TMEM126A: variants seen among roughly 807,000 people sequenced by gnomAD.
TMEM126A encodes transmembrane protein 126A.
A neutral mutation model predicts 18.3 loss-of-function variants in TMEM126A; 10 were observed. The observed-to-expected ratio is 0.55, with a 90% CI of 0.34 to 0.93. The LOEUF (loss-of-function observed/expected upper bound fraction) is 0.93. TMEM126A is among the 40% of genes least tolerant of loss of function. The pLI is 0.02. For synonymous variants in TMEM126A, 68 were observed against 78.1 expected (o/e 0.87, Z 0.68); for missense variants, 246 against 230.2 (o/e 1.07, Z -0.44).
chr11:85,650,118 G>A, intron 1 of TMEM126A, 131 bp from the exon 2 acceptor site: 1 of 587,546 alleles, frequency 1.7e-6, no homozygotes, highest in Non-Finnish European at 3.0e-6. Context: ...GTTTCACTTA[G>A]ATTTTTTTTT....
At position 85,656,436 on chromosome 11, in the gene TMEM126A, T is replaced by A; in HGVS notation, c.523T>A (p.Ser175Thr). Residue 175 changes from serine to threonine, a missense_variant, in exon 5 of 5, where the codon TCT (serine) becomes ACT (threonine). Ser to Thr is a moderately conservative substitution (Grantham distance 58). Transcript: ENST00000304511. ...GACTATGTTTTCAGCATACCTTGGG[T>A]CTGAACAATATAAACTACTTATAAA... ...LQTMFSAYLG[S>T]EQYKLLIKAL... 1.2e-6 allele frequency: 2 copies of A among 1,613,336 alleles called. No homozygotes were observed. Among genetic ancestry groups the A allele is most frequent in the Non-Finnish European group, 1.7e-6 (2 of 1,179,622 alleles).
At chr11:85,648,362 G>C (rs1398406323) in intron 1 of TMEM126A, among the ~76,000 whole-genome samples, 2 of 152,202 alleles carry the variant, frequency 1.3e-5, no homozygotes, top group Non-Finnish European at 2.9e-5. Context: ...GATTTTCAGA[G>C]GTCCCACTTT....
In TMEM126A at chr11:85,654,169, A is replaced by G. The variant is rs1448355363; in HGVS notation, c.193A>G (p.Ile65Val). ...RRILNVTKAR[I>V]AAGLPMAGIP... ...CATCTTGAATGTGACAAAGGCTCGC[A>G]TAGCTGCTGGCTTACCAATGGCAGG... The change falls in exon 3 of 5, where the codon ATA becomes GTA. Residue 65 changes from isoleucine to valine, a missense_variant. Coordinates refer to ENST00000304511, the MANE Select transcript of TMEM126A (RefSeq NM_032273.4). 8 of 1,614,114 alleles carry G rather than the reference A, an allele frequency of 5.0e-6. No individual in the cohort carries two copies. In the South Asian group the frequency reaches 5.5e-5, roughly 11 times the overall value.
intron 2 of TMEM126A, among the ~76,000 whole-genome samples, chr11:85,652,854 T>TG (rs1270215226): frequency 6.6e-6 from 1 of 151,760 alleles, no homozygotes; most frequent in Non-Finnish European, 1.5e-5. Flanking sequence ...ACCTGAGCAT[T>TG]GGGATTTAAA....
intron 2 of TMEM126A, among the ~76,000 whole-genome samples, chr11:85,651,912 C>T (rs2082503409): frequency 6.6e-6 from 1 of 152,154 alleles, no homozygotes; most frequent in South Asian, 2.1e-4. Context: ...ACCTGTAATC[C>T]CAGCACTTTG....
Position 85,655,621 on chromosome 11 carries a change from T to C in TMEM126A, c.308T>C (p.Ile103Thr). ...GATTTGGATTGTGAAACCTGTACCA[T>C]AACACGGAGTGGACTGACTGGTCTT... ...TGDLDCETCTITRSGLTGLVI... is the reference protein window; with the variant it reads ...TGDLDCETCTTTRSGLTGLVI... The change falls in exon 4 of 5, where the codon ATA (isoleucine) becomes ACA (threonine). Residue 103 changes from isoleucine to threonine, a missense_variant. Ile to Thr is a moderately conservative substitution (Grantham distance 89). Transcript: ENST00000304511. 6.2e-7 allele frequency: 1 copy of C among 1,613,706 alleles called. No homozygotes were observed. The highest frequency in any genetic ancestry group is 8.5e-7 in the Non-Finnish European group (1 of 1,179,672).
intron 2 of TMEM126A, among the ~76,000 whole-genome samples, chr11:85,651,069 CAA>C (rs3068382): frequency 6.3e-5 from 5 of 79,868 alleles, no homozygotes; most frequent in Admixed American, 1.7e-4. Context: ...GGATCCGTCT[CAA>C]AAAAAAAAAA....
At chr11:85,655,299 G>A (rs1266468522) in intron 3 of TMEM126A, 3 of 336,638 alleles carry the variant, frequency 8.9e-6, no homozygotes, top group Non-Finnish European at 1.7e-5. Flanking sequence ...TATTAGCCTA[G>A]GTCTGTTGAT....
At position 85,655,722 on chromosome 11, in the gene TMEM126A, A is replaced by C. The variant is rs1262645868; in HGVS notation, c.395+14A>C. The C allele has an allele frequency of 6.4e-7, 1 of 1,555,932 alleles. No homozygotes were observed. Among genetic ancestry groups the C allele is most frequent in the East Asian group, 2.2e-5 (1 of 44,510 alleles). On this transcript the variant is annotated intron_variant, in intron 4 of 4. Coordinates refer to ENST00000304511, the MANE Select transcript of TMEM126A (RefSeq NM_032273.4). ...TCTAGCAGCCAGGTAGGAAATAAAA[A>C]ACTTTTTATAATATGTGATTACCTA...
chr11:85,655,530 A>G (rs2082531465), intron 3 of TMEM126A, 64 bp from the exon 4 acceptor site: 1 of 1,192,754 alleles, frequency 8.4e-7, no homozygotes, highest in Non-Finnish European at 1.3e-6. Flanking sequence ...AGGATCTTAC[A>G]TTCTTTAAAT....
At chr11:85,653,399 T>C (rs914317532) in intron 2 of TMEM126A, among the ~76,000 whole-genome samples, 1 of 152,220 alleles carries the variant, frequency 6.6e-6, no homozygotes, top group Non-Finnish European at 1.5e-5. Flanking sequence ...TAGATGGCAA[T>C]GTAAGTGGTA....
intron 2 of TMEM126A, among the ~76,000 whole-genome samples, chr11:85,653,650 T>C (rs561364825): frequency 1.3e-5 from 2 of 152,354 alleles, no homozygotes; most frequent in East Asian, 3.9e-4. Context: ...CTCCCAATCC[T>C]GACACTAATG....
chr11:85,652,300 A>C (rs2082506570), intron 2 of TMEM126A, among the ~76,000 whole-genome samples: 1 of 152,260 alleles, frequency 6.6e-6, no homozygotes, highest in African/African-American at 2.4e-5. Flanking sequence ...ATTGGCATCT[A>C]AACTAGGCAG....
chr11:85,648,640 ATCAT>A (rs903346804), intron 1 of TMEM126A, among the ~76,000 whole-genome samples: 9 of 152,118 alleles, frequency 5.9e-5, no homozygotes, highest in Non-Finnish European at 2.9e-5. Context: ...CATACACAAA[ATCAT>A]TCAGAGCTCC....
chr11:85,653,956 T>C, intron 2 of TMEM126A, 107 bp from the exon 3 acceptor site: 1 of 1,304,026 alleles, frequency 7.7e-7, no homozygotes, highest in South Asian at 1.2e-5. Context: ...GGGATAGATG[T>C]CGTATCCAGT....
chr11:85,652,475 A>G (rs907392025), intron 2 of TMEM126A, among the ~76,000 whole-genome samples: 1 of 151,884 alleles, frequency 6.6e-6, no homozygotes, highest in Non-Finnish European at 1.5e-5. Flanking sequence ...CAAAAACTTC[A>G]TTTTCTGATC....
rs374124838 is a variant in TMEM126A at position 85,655,642 on chromosome 11, G to C, written c.329G>C (p.Gly110Ala). 3.0e-5 allele frequency: 49 copies of C among 1,613,566 alleles called. No individual in the cohort carries two copies. The highest frequency in any genetic ancestry group is 4.1e-5 in the Non-Finnish European group (48 of 1,179,736). Residue 110 changes from glycine (G) to alanine (A), a missense_variant, in exon 4 of 5, where the codon GGT (glycine) becomes GCT (alanine). Coordinates refer to ENST00000304511, the MANE Select transcript of TMEM126A (RefSeq NM_032273.4). ...TCTITRSGLT[G>A]LVIGGLYPVF... is the part of the protein sequence containing the mutation. ...ACCATAACACGGAGTGGACTGACTG[G>C]TCTTGTTATTGGTGGTCTATACCCT...
chr11:85,656,031 G>A (rs1224828622), intron 4 of TMEM126A, among the ~76,000 whole-genome samples: 3 of 152,090 alleles, frequency 2.0e-5, no homozygotes, highest in African/African-American at 7.2e-5. Flanking sequence ...TGCACTAAAG[G>A]AAAATTCCAT....
chr11:85,654,605 C>T (rs2082524088), intron 3 of TMEM126A, among the ~76,000 whole-genome samples: 1 of 152,110 alleles, frequency 6.6e-6, no homozygotes, highest in South Asian at 2.1e-4. Flanking sequence ...GTGCCCACCA[C>T]CATGCCCGGC....
Sources: gnomAD v4.1 joint callset for allele counts (sites outside exome capture counted in the v4.1 genomes callset) on GRCh38, gnomAD v4.1.1 for gene constraint, MANE v1.5 for transcripts, NCBI Gene and HGNC (gene_info 2026-07-23, HGNC 2026-07-21) for gene names.